DLGAP4: variants seen among roughly 807,000 people sequenced by gnomAD.
DLGAP4 encodes DLG associated protein 4.
DLGAP4 carries 18 observed loss-of-function variants against 86.9 expected under a neutral mutation model. The observed-to-expected ratio is 0.21, with a 90% CI of 0.14 to 0.31. The LOEUF is 0.31. Ranked by LOEUF, DLGAP4 falls within the 10% of genes least tolerant of loss-of-function variation. The pLI, the probability that DLGAP4 is intolerant of heterozygous loss-of-function variation, is 1.00. For synonymous variants in DLGAP4, 548 were observed against 574.3 expected, an observed-to-expected ratio of 0.95 and a Z score of 0.65; for missense variants, 1,085 against 1,362.6, an observed-to-expected ratio of 0.80 and a Z score of 3.21.
At chr20:36,475,337 AG>A (rs2034862212) in intron 7 of DLGAP4, among the ~76,000 whole-genome samples, 1 of 151,984 alleles carries the variant, frequency 6.6e-6, no homozygotes, top group Non-Finnish European at 1.5e-5. Context: ...CAGCCTCCTG[AG>A]TAGCTGGGAT....
At chr20:36,461,666 CGGCCCGGCCCGGCCCTG>C in intron 7 of DLGAP4, 13 of 172,548 alleles carry the variant, frequency 7.5e-5, no homozygotes, top group Non-Finnish European at 1.1e-4. Context: ...CCGCCCCGCC[CGGCCCGGCCCGGCCCTG>C]CCCCGCCCCC....
At chr20:36,411,110 C>T (rs896849772) in intron 2 of DLGAP4, among the ~76,000 whole-genome samples, 2 of 152,198 alleles carry the variant, frequency 1.3e-5, no homozygotes, top group Admixed American at 1.3e-4. Context: ...CCTGCCTCAT[C>T]CTCCAAGTAG....
chr20:36,331,979 G>A (rs1555891599), intron 1 of DLGAP4, among the ~76,000 whole-genome samples: 1 of 152,032 alleles, frequency 6.6e-6, no homozygotes, highest in Non-Finnish European at 1.5e-5. Context: ...AGAGTCGGGG[G>A]CGGGTAGGGG....
At chr20:36,340,186 G>A (rs2065364316) in intron 1 of DLGAP4, among the ~76,000 whole-genome samples, 1 of 152,110 alleles carries the variant, frequency 6.6e-6, no homozygotes, top group African/African-American at 2.4e-5. Flanking sequence ...TGCGGTAGGA[G>A]GGGCCCCACA....
Position 36,436,191 on chromosome 20 carries a change from G to T in DLGAP4, c.1082G>T (p.Cys361Phe), listed in dbSNP as rs762665079. The T allele has an allele frequency of 1.2e-6, 2 of 1,602,012 alleles. No homozygotes were observed. Among genetic ancestry groups the T allele is most frequent in the Non-Finnish European group, 1.7e-6 (2 of 1,178,884 alleles). The change falls in exon 4 of 13, where the codon TGC (cysteine) becomes TTC (phenylalanine). Residue 361 changes from cysteine to phenylalanine, a missense_variant. By Grantham distance (205) the Cys-to-Phe change is radical. Transcript: ENST00000339266. Reference sequence around the variant, plus strand: ...GCCGCGGCCGAGGGCCCTATCCCGTGCCGGCGCATGCGCAGCGGCAGCTAC... The same window carrying T: ...GCCGCGGCCGAGGGCCCTATCCCGTTCCGGCGCATGCGCAGCGGCAGCTAC... ...TDAAAEGPIP[C>F]RRMRSGSYIK...
Position 36,525,844 on chromosome 20 carries a change from C to T in DLGAP4, c.2605-7C>T, listed in dbSNP as rs372737076. The T allele has an allele frequency of 2.2e-5, 35 of 1,612,350 alleles. No individual in the cohort carries two copies. Among genetic ancestry groups the T allele is most frequent in the Admixed American group, 6.7e-5 (4 of 59,988 alleles). On this transcript the variant is annotated splice_region_variant and splice_polypyrimidine_tract_variant and intron_variant, in intron 11 of 12. Transcript: ENST00000339266. ...GCTGGCCCCACTGATCCCCATCTGGCCCACAGAACCCTGATGCCAACCCAC... is the reference window on the plus strand; with the variant it reads ...GCTGGCCCCACTGATCCCCATCTGGTCCACAGAACCCTGATGCCAACCCAC...
At chr20:36,518,006 C>T (rs936501873) in intron 10 of DLGAP4, among the ~76,000 whole-genome samples, 10 of 152,080 alleles carry the variant, frequency 6.6e-5, no homozygotes, top group Admixed American at 3.9e-4. Flanking sequence ...GGACAGCTCA[C>T]GGTCAGGAGT....
intron 1 of DLGAP4, among the ~76,000 whole-genome samples, chr20:36,356,297 TTTTGTTTGTTTGTTTG>T (rs140426624): frequency 6.6e-6 from 1 of 151,898 alleles, no homozygotes; most frequent in African/African-American, 2.4e-5. Context: ...GTTTCATTGT[TTTTGTTTGTTTGTTTG>T]TTTGTTTGTT....
intron 1 of DLGAP4, among the ~76,000 whole-genome samples, chr20:36,325,060 TA>T (rs1375065356): frequency 1.7e-4 from 26 of 152,294 alleles, no homozygotes; most frequent in Admixed American, 1.6e-3. Context: ...TCATTAATCT[TA>T]AAGCTTTTGT....
intron 2 of DLGAP4, among the ~76,000 whole-genome samples, chr20:36,410,112 T>C (rs1308605175): frequency 6.6e-6 from 1 of 151,996 alleles, no homozygotes; most frequent in Non-Finnish European, 1.5e-5. Context: ...TTGGGTACCC[T>C]TCCACTGATA....
intron 1 of DLGAP4, among the ~76,000 whole-genome samples, chr20:36,333,589 G>C (rs1474904587): frequency 1.3e-5 from 2 of 152,174 alleles, no homozygotes; most frequent in Non-Finnish European, 2.9e-5. Flanking sequence ...GGAAACTGAG[G>C]CTTGCCCAAG....
chr20:36,461,751 G>GTCCGGGCCCCCC, intron 7 of DLGAP4: 1 of 618,848 alleles, frequency 1.6e-6, no homozygotes, highest in African/African-American at 3.1e-5. Flanking sequence ...CCGTCCGTCC[G>GTCCGGGCCCCCC]CCCGCCCGCC....
intron 10 of DLGAP4, among the ~76,000 whole-genome samples, chr20:36,521,599 T>G (rs2147856475): frequency 6.6e-6 from 1 of 152,264 alleles, no homozygotes; most frequent in Admixed American, 6.5e-5. Flanking sequence ...ACCTGAAGCC[T>G]TTCAGCCCTC....
chr20:36,366,010 C>T (rs1407717903), intron 1 of DLGAP4, among the ~76,000 whole-genome samples: 2 of 152,068 alleles, frequency 1.3e-5, no homozygotes, highest in African/African-American at 2.4e-5. Context: ...GGAGGGTGTT[C>T]CACTGAGGCC....
chr20:36,500,523 A>C lies in DLGAP4; in HGVS notation c.2424A>C (p.Leu808=). The C allele has an allele frequency of 6.3e-7, 1 of 1,581,976 alleles. No individual in the cohort carries two copies. The highest frequency in any genetic ancestry group is 8.6e-7 in the Non-Finnish European group (1 of 1,164,672). Residue 808 remains leucine (L), a synonymous_variant, in exon 10 of 13, where the codon CTA becomes CTC. Transcript: ENST00000339266. The surrounding 1 kb of genome is among the most constrained non-coding windows in gnomAD (Gnocchi z 4.6). ...GCCGCCGAGACGGCTACTGGTTCCT[A>C]AAGCTACTGCAGGCAGAAACAGAGC... ...GACRRDGYWF[L]KLLQAETERL... is the part of the protein sequence containing the mutation.
intron 7 of DLGAP4, among the ~76,000 whole-genome samples, chr20:36,453,644 A>G (rs926376825): frequency 3.3e-5 from 5 of 152,028 alleles, no homozygotes; most frequent in Non-Finnish European, 7.4e-5. Context: ...AAAAAAAAGA[A>G]AAAAGAGGCT....
intron 7 of DLGAP4, among the ~76,000 whole-genome samples, chr20:36,467,620 G>C (rs1299173534): frequency 6.6e-6 from 1 of 152,338 alleles, no homozygotes; most frequent in East Asian, 1.9e-4. Flanking sequence ...CAGGCATCCA[G>C]ATGACACAAG....
chr20:36,451,438 C>T (rs1053003829), intron 7 of DLGAP4, among the ~76,000 whole-genome samples: 8 of 152,094 alleles, frequency 5.3e-5, no homozygotes, highest in African/African-American at 1.9e-4. Context: ...GCAACATCTA[C>T]CTCCCAGGTT....
intron 7 of DLGAP4, among the ~76,000 whole-genome samples, chr20:36,482,949 G>A (rs1313452220): frequency 2.6e-5 from 4 of 152,202 alleles, no homozygotes; most frequent in Non-Finnish European, 5.9e-5. Flanking sequence ...TGAGATTACA[G>A]GCATGAGCCA....
Sources: allele counts gnomAD v4.1 joint callset (sites outside exome capture counted in the v4.1 genomes callset), GRCh38; gene constraint gnomAD v4.1.1; non-coding constraint Gnocchi (gnomAD v3.1); transcripts MANE v1.5; gene names NCBI Gene and HGNC (gene_info 2026-07-23, HGNC 2026-07-21).